PLSCR2: variants seen among roughly 807,000 people sequenced by gnomAD.
The protein encoded by PLSCR2 is phospholipid scramblase 2.
PLSCR2 carries 18 observed loss-of-function variants against 25.3 expected under a neutral mutation model. The observed-to-expected ratio is 0.71, with a 90% CI of 0.49 to 1.06. The LOEUF is 1.06. Ranked by LOEUF, PLSCR2 falls within the 50% of genes least tolerant of loss-of-function variation. PLSCR2 has a pLI of 0.00. For synonymous variants in PLSCR2, 88 were observed against 87.3 expected, an observed-to-expected ratio of 1.01 and a Z score of -0.04; for missense variants, 243 against 269.5, an observed-to-expected ratio of 0.90 and a Z score of 0.69.
At chr3:146,489,766 A>T (rs1430047143) in intron 1 of PLSCR2, among the ~76,000 whole-genome samples, 3 of 152,060 alleles carry the variant, frequency 2.0e-5, no homozygotes, top group Non-Finnish European at 2.9e-5. Flanking sequence ...ATTACAGAAG[A>T]CCCACCCAGA....
intron 2 of PLSCR2, among the ~76,000 whole-genome samples, chr3:146,418,726 G>A (rs1239928770): frequency 6.6e-6 from 1 of 152,098 alleles, no homozygotes; most frequent in Non-Finnish European, 1.5e-5. Flanking sequence ...GGAAGCATGT[G>A]TTTTCAGCTG....
At chr3:146,463,924 G>T (rs2041743026), upstream of PLSCR2, 1 of 974,760 alleles carries the variant, frequency 1.0e-6, no homozygotes, top group Non-Finnish European at 1.2e-6. Context: ...TCCAATTATA[G>T]TCACCTCTTA....
intron 3 of PLSCR2, among the ~76,000 whole-genome samples, chr3:146,395,296 C>T (rs1456864168): frequency 1.3e-5 from 2 of 151,978 alleles, no homozygotes; most frequent in Non-Finnish European, 2.9e-5. Flanking sequence ...CACTAGTCAA[C>T]AAAAGTATAT....
intron 2 of PLSCR2, among the ~76,000 whole-genome samples, chr3:146,419,527 C>T (rs952233157): frequency 3.9e-5 from 6 of 152,138 alleles, no homozygotes; most frequent in East Asian, 1.9e-4. Context: ...TGCTATAACA[C>T]ATCACTACAT....
chr3:146,487,014 T>G (rs1265447804), intron 1 of PLSCR2, among the ~76,000 whole-genome samples: 1 of 152,038 alleles, frequency 6.6e-6, no homozygotes, highest in Non-Finnish European at 1.5e-5. Context: ...GTTCAACATA[T>G]GCAAATCAAT....
At chr3:146,416,465 T>G (rs1486828696) in intron 2 of PLSCR2, 2 of 152,212 alleles carry the variant, frequency 1.3e-5, no homozygotes, top group Admixed American at 6.5e-5. Context: ...AAATTCATGT[T>G]GTTATGGATC....
At chr3:146,458,517 CAT>C in intron 2 of PLSCR2, 64 bp from the exon 3 acceptor site, 20 of 1,168,142 alleles carry the variant, frequency 1.7e-5, no homozygotes, top group Non-Finnish European at 2.3e-5. Context: ...AATTACTATT[CAT>C]GTTTTTATTT....
At chr3:146,398,428 C>T (rs1284714260) in intron 2 of PLSCR2, among the ~76,000 whole-genome samples, 2 of 151,558 alleles carry the variant, frequency 1.3e-5, no homozygotes, top group Non-Finnish European at 3.0e-5. Context: ...TATTAAATAA[C>T]AAACTTCTGA....
At chr3:146,439,273 G>A (rs1230519863), downstream of PLSCR2, among the ~76,000 whole-genome samples, 1 of 152,138 alleles carries the variant, frequency 6.6e-6, no homozygotes, top group Non-Finnish European at 1.5e-5. Context: ...TCCTCTCGAG[G>A]AGTATCTTTG....
At chr3:146,479,644 T>A (rs570932366) in intron 1 of PLSCR2, among the ~76,000 whole-genome samples, 2 of 152,258 alleles carry the variant, frequency 1.3e-5, no homozygotes, top group African/African-American at 4.8e-5. Context: ...ATGGGAGACT[T>A]CAACACTCCA....
downstream of PLSCR2, among the ~76,000 whole-genome samples, chr3:146,428,912 C>A (rs1009127410): frequency 6.6e-6 from 1 of 152,176 alleles, no homozygotes; most frequent in African/African-American, 2.4e-5. Flanking sequence ...CTTTGAGCCA[C>A]CTCCCTGTGT....
intron 1 of PLSCR2, among the ~76,000 whole-genome samples, chr3:146,477,217 A>ATTGGGACCAG (rs2042319157): frequency 6.6e-6 from 1 of 152,196 alleles, no homozygotes; most frequent in Non-Finnish European, 1.5e-5. Context: ...GACCTGGTTC[A>ATTGGGACCAG]TCTCATTGGG....
Position 146,459,675 on chromosome 3 carries a change from C to T in PLSCR2, c.57+173G>A, listed in dbSNP as rs544733923. 1.6e-4 allele frequency among the ~76,000 whole-genome samples: 25 copies of T among 152,192 alleles called. No homozygotes were observed. The South Asian group carries it at 2.5e-3, about 15-fold the overall frequency. The stretch of plus-strand genomic sequence containing the variant: ...TTCATATTTTGATTTAACAATGAAT[C>T]GAACCCAAAAGAACTAGTGATTTGT... On this transcript the variant is annotated intron_variant, in intron 2 of 6. Coordinates refer to ENST00000610787, the Ensembl canonical transcript of PLSCR2.
chr3:146,447,913 C>T (rs565932956), intron 6 of PLSCR2, among the ~76,000 whole-genome samples: 33 of 152,162 alleles, frequency 2.2e-4, no homozygotes, highest in Admixed American at 6.5e-4. Flanking sequence ...GGTTTATATG[C>T]TGTCTCCATG....
At chr3:146,495,750 T>C in intron 1 of PLSCR2, 1 of 620,154 alleles carries the variant, frequency 1.6e-6, no homozygotes, top group South Asian at 2.1e-5. Context: ...GTTCACACTG[T>C]TTAAGATACC....
At chr3:146,491,037 G>A (rs989710976) in intron 1 of PLSCR2, among the ~76,000 whole-genome samples, 11 of 152,028 alleles carry the variant, frequency 7.2e-5, no homozygotes, top group Admixed American at 3.9e-4. Context: ...TGTAAGGCAG[G>A]CCTACTGGTA....
exon 1 of PLSCR2, chr3:146,460,323 G>T: frequency 3.4e-6 from 2 of 592,606 alleles, no homozygotes; most frequent in Non-Finnish European, 4.7e-6. Flanking sequence ...CTTTTACTAT[G>T]TAAAACTCAG....
intron 2 of PLSCR2, among the ~76,000 whole-genome samples, chr3:146,411,404 G>A (rs2038843972): frequency 6.6e-6 from 1 of 152,204 alleles, no homozygotes; most frequent in Non-Finnish European, 1.5e-5. Context: ...TGACCCTGGG[G>A]TCAGAAGCTG....
intron 2 of PLSCR2, among the ~76,000 whole-genome samples, chr3:146,405,752 G>A (rs2038641840): frequency 6.6e-6 from 1 of 152,196 alleles, no homozygotes; most frequent in African/African-American, 2.4e-5. Context: ...GGCCAACCTA[G>A]TGATTAGAGT....
Sources: allele counts gnomAD v4.1 joint callset (sites outside exome capture counted in the v4.1 genomes callset), GRCh38; gene constraint gnomAD v4.1.1; transcripts MANE v1.5; gene names NCBI Gene and HGNC (gene_info 2026-07-23, HGNC 2026-07-21).